Variants in ILRUN observed in about 807,000 individuals in gnomAD.
The protein encoded by ILRUN is inflammation and lipid regulator with UBA-like and NBR1-like domains.
A neutral mutation model predicts 33.8 loss-of-function variants in ILRUN; 3 were observed. The ratio of observed to expected loss-of-function variants is 0.09; its 90% CI spans 0.04 to 0.23. The LOEUF is 0.23. ILRUN is among the 10% of genes least tolerant of loss of function. ILRUN has a pLI of 1.00. For synonymous variants in ILRUN, 124 were observed against 138.9 expected (o/e 0.89, Z 0.75); for missense variants, 210 against 375.1 (o/e 0.56, Z 3.64).
rs939918137 is a variant in ILRUN at position 34,646,387 on chromosome 6, C to T, written c.511+214G>A. On this transcript the variant is annotated intron_variant, in intron 3 of 4. Coordinates refer to ENST00000374023, the MANE Select transcript of ILRUN (RefSeq NM_024294.4). This position sits in a 1 kb window ranked among gnomAD's most constrained non-coding sequence, Gnocchi z 4.9. ...ATTTAGAACACAAAATATAATACCT[C>T]GTACAGGTCACTAAATTATATTCCT... Among the ~76,000 whole-genome samples the T allele has an allele frequency of 5.9e-5, 9 of 152,126 alleles. No individual in the cohort carries two copies. The highest frequency in any genetic ancestry group is 3.9e-4 in the Admixed American group (6 of 15,252).
At chr6:34,682,412 C>T (rs1763386885) in intron 1 of ILRUN, among the ~76,000 whole-genome samples, 1 of 151,996 alleles carries the variant, frequency 6.6e-6, no homozygotes, top group Non-Finnish European at 1.5e-5. Context: ...CGCCCGCCAC[C>T]AGGCCCAGCT....
At chr6:34,614,431 T>TAAAAAAAAAA (rs869049658) in intron 3 of ILRUN, among the ~76,000 whole-genome samples, 2 of 113,974 alleles carry the variant, frequency 1.8e-5, no homozygotes, top group Non-Finnish European at 3.7e-5. Context: ...CAAAAAATAA[T>TAAAAAAAAAA]AAAAAAAAAA....
At chr6:34,687,707 A>AT (rs1562035400) in intron 1 of ILRUN, among the ~76,000 whole-genome samples, 9 of 140,908 alleles carry the variant, frequency 6.4e-5, no homozygotes, top group East Asian at 3.9e-4. Context: ...CCAAAAAAAA[A>AT]AATATATATA....
intron 3 of ILRUN, among the ~76,000 whole-genome samples, chr6:34,632,570 T>TTTG (rs1345699571): frequency 3.3e-5 from 5 of 151,256 alleles, no homozygotes; most frequent in African/African-American, 1.2e-4. Context: ...TTTTTTTTTT[T>TTTG]TGAGATGGAG....
chr6:34,625,846 CTTTT>C (rs58219612), intron 3 of ILRUN, among the ~76,000 whole-genome samples: 23 of 114,220 alleles, frequency 2.0e-4, no homozygotes, highest in Admixed American at 1.8e-4. Context: ...TATTGAAAGG[CTTTT>C]TTTTTTTTTT....
intron 3 of ILRUN, among the ~76,000 whole-genome samples, chr6:34,631,194 T>C (rs944301169): frequency 6.6e-6 from 1 of 152,208 alleles, no homozygotes; most frequent in Non-Finnish European, 1.5e-5. Flanking sequence ...GTAGACAGGA[T>C]GTACTGGCTA....
At chr6:34,608,604 A>G (rs921844772) in intron 3 of ILRUN, among the ~76,000 whole-genome samples, 1 of 152,194 alleles carries the variant, frequency 6.6e-6, no homozygotes, top group African/African-American at 2.4e-5. Flanking sequence ...ATTAAAAAAC[A>G]AACTACAATG....
chr6:34,616,838 T>C lies in ILRUN; in HGVS notation c.512-9934A>G, dbSNP rs140725328. On this transcript the variant is annotated intron_variant, in intron 3 of 4. Coordinates refer to ENST00000374023, the MANE Select transcript of ILRUN (RefSeq NM_024294.4). ...TGTGAACCCAAAGGTCTGAAAGGTGTTGCAGCTTCTTTGCCTTCATCAAAT... is the reference window on the plus strand; with the variant it reads ...TGTGAACCCAAAGGTCTGAAAGGTGCTGCAGCTTCTTTGCCTTCATCAAAT... 1.9e-4 allele frequency: 134 copies of C among 701,928 alleles called. No individual in the cohort carries two copies. The African/African-American group carries it at 2.0e-3, about 11-fold the overall frequency. 43.5% of individuals were successfully genotyped at this position (701,928 alleles called of 1,614,324 possible). A position where few individuals can be genotyped will look rare whatever the true frequency, so the allele number is the denominator to read the frequency against.
At chr6:34,623,668 C>T (rs1762054616) in intron 3 of ILRUN, among the ~76,000 whole-genome samples, 1 of 152,136 alleles carries the variant, frequency 6.6e-6, no homozygotes, top group Non-Finnish European at 1.5e-5. Flanking sequence ...ATGATAGCTA[C>T]AGTACATTAA....
chr6:34,688,893 G>A (rs1004308880), intron 1 of ILRUN, among the ~76,000 whole-genome samples: 8 of 151,592 alleles, frequency 5.3e-5, no homozygotes, highest in Non-Finnish European at 4.4e-5. Context: ...CCTGGGAGGC[G>A]GAGGTTACAG....
chr6:34,620,927 T>C (rs968139114), intron 3 of ILRUN, among the ~76,000 whole-genome samples: 3 of 152,224 alleles, frequency 2.0e-5, no homozygotes, highest in African/African-American at 7.2e-5. Context: ...CCATCTTTGG[T>C]AGGGAAGACA....
chr6:34,600,416 G>A (rs555924497), intron 4 of ILRUN, among the ~76,000 whole-genome samples: 1 of 152,066 alleles, frequency 6.6e-6, no homozygotes, highest in African/African-American at 2.4e-5. Context: ...AACAAAACTC[G>A]ATTTTAAAGG....
chr6:34,687,623 A>G (rs1042864769), intron 1 of ILRUN, among the ~76,000 whole-genome samples: 5 of 150,918 alleles, frequency 3.3e-5, no homozygotes, highest in Non-Finnish European at 7.4e-5. Flanking sequence ...ACTTGAATCC[A>G]GGAGATGGAG....
chr6:34,655,968 C>G (rs2127366724), intron 1 of ILRUN, among the ~76,000 whole-genome samples: 1 of 152,200 alleles, frequency 6.6e-6, no homozygotes, highest in Admixed American at 6.5e-5. Context: ...GGCTCAGTGG[C>G]TCACGCCTGT....
intron 3 of ILRUN, among the ~76,000 whole-genome samples, chr6:34,617,883 C>A (rs1761930808): frequency 1.3e-5 from 2 of 152,132 alleles, no homozygotes; most frequent in Admixed American, 1.3e-4. Context: ...CCAATGGGCA[C>A]AAGTTCACGC....
chr6:34,614,387 A>G (rs2127330782), intron 3 of ILRUN, among the ~76,000 whole-genome samples: 1 of 150,094 alleles, frequency 6.7e-6, no homozygotes, highest in South Asian at 2.1e-4. Flanking sequence ...ACGCCACTGC[A>G]CTCCAGCCTG....
At chr6:34,675,317 G>T (rs910566229) in intron 1 of ILRUN, among the ~76,000 whole-genome samples, 2 of 151,818 alleles carry the variant, frequency 1.3e-5, no homozygotes, top group Admixed American at 6.6e-5. Flanking sequence ...CAAAAAAGGT[G>T]CAAAACAAGC....
chr6:34,683,107 C>A (rs1460740489), intron 1 of ILRUN, among the ~76,000 whole-genome samples: 2 of 150,152 alleles, frequency 1.3e-5, no homozygotes, highest in Non-Finnish European at 3.0e-5. Flanking sequence ...ACCTTTTTGA[C>A]CCTGTCTCAA....
chr6:34,601,829 C>T (rs1321723279), intron 4 of ILRUN, among the ~76,000 whole-genome samples: 2 of 151,674 alleles, frequency 1.3e-5, no homozygotes, highest in African/African-American at 4.8e-5. Flanking sequence ...CAGAAGCAGA[C>T]TGACTCCTGC....
Sources: allele counts gnomAD v4.1 joint callset (sites outside exome capture counted in the v4.1 genomes callset), GRCh38; gene constraint gnomAD v4.1.1; non-coding constraint Gnocchi (gnomAD v3.1); transcripts MANE v1.5; gene names NCBI Gene and HGNC (gene_info 2026-07-23, HGNC 2026-07-21).